RIN2: variants seen among roughly 807,000 people sequenced by gnomAD.
RIN2 encodes Ras and Rab interactor 2.
Under a neutral mutation model 78.0 loss-of-function variants are expected in RIN2, and 36 were observed. The observed-to-expected ratio is 0.46, with a 90% CI of 0.35 to 0.61. The LOEUF (loss-of-function observed/expected upper bound fraction) is 0.61, where lower values mean the gene tolerates loss of function less well. Ranked by LOEUF, RIN2 falls within the 20% of genes least tolerant of loss-of-function variation. RIN2 has a pLI of 0.00. For missense variants in RIN2, 1,087 were observed against 1,159.7 expected, an observed-to-expected ratio of 0.94 and a Z score of 0.91; for synonymous variants, 466 against 466.8, an observed-to-expected ratio of 1.00 and a Z score of 0.02.
chr20:19,808,439 G>A (rs1463294928), intron 2 of RIN2, among the ~76,000 whole-genome samples: 2 of 152,372 alleles, frequency 1.3e-5, no homozygotes, highest in African/African-American at 2.4e-5. Flanking sequence ...TGTAGGGCCT[G>A]TTGGGGCCTG....
intron 2 of RIN2, among the ~76,000 whole-genome samples, chr20:19,860,272 G>A (rs1421956264): frequency 2.1e-5 from 3 of 146,192 alleles, no homozygotes; most frequent in South Asian, 2.2e-4. Flanking sequence ...ATCCTGTATC[G>A]GGTCTGCCCC....
chr20:19,789,349 T>C (rs1248132090), intron 1 of RIN2, among the ~76,000 whole-genome samples: 1 of 152,224 alleles, frequency 6.6e-6, no homozygotes, highest in Admixed American at 6.5e-5. Flanking sequence ...TTCGTGAACT[T>C]GGGATATGCG....
At position 19,874,086 on chromosome 20, in the gene RIN2, T is replaced by TG. The variant is rs55827998; in HGVS notation, c.-36-15480_-36-15479insG. ...GGTGTGTGTGTGTGTGTGTGTGTGTTTGTGTGTGTTGGTTATTTCACTGCT... is the reference window on the plus strand; with the variant it reads ...GGTGTGTGTGTGTGTGTGTGTGTGTTGTGTGTGTGTTGGTTATTTCACTGCT... On this transcript the variant is annotated intron_variant, in intron 2 of 12. Coordinates refer to ENST00000255006, the MANE Select transcript of RIN2 (RefSeq NM_018993.4). 8.9e-3 allele frequency among the ~76,000 whole-genome samples: 1,297 copies of TG among 145,724 alleles called. 15 individuals are homozygous for TG. The highest frequency in any genetic ancestry group is 0.029 in the African/African-American group (1,125 of 39,222).
In RIN2 at chr20:19,806,211, T is replaced by C. The variant is rs181807472; in HGVS notation, c.-37+6464T>C. ...TGCATGTGTCTTTATGGTAGAATGATTTCTAATCCTTTGGGTATATACCCA... is the reference window on the plus strand; with the variant it reads ...TGCATGTGTCTTTATGGTAGAATGACTTCTAATCCTTTGGGTATATACCCA... On this transcript the variant is annotated intron_variant, in intron 2 of 12. Transcript: ENST00000255006. 1.5e-4 allele frequency among the ~76,000 whole-genome samples: 23 copies of C among 152,330 alleles called. 2 individuals are homozygous for C. In the East Asian group the frequency reaches 2.7e-3, roughly 18 times the overall value.
At chr20:19,875,966 G>A (rs888443608) in intron 2 of RIN2, among the ~76,000 whole-genome samples, 1 of 152,238 alleles carries the variant, frequency 6.6e-6, no homozygotes, top group Non-Finnish European at 1.5e-5. Context: ...GAGGAGGAAA[G>A]TAAGGGCACA....
intron 1 of RIN2, among the ~76,000 whole-genome samples, chr20:19,764,916 GCGTTTTTTTTTTT>G (rs2033803803): frequency 2.8e-5 from 1 of 35,362 alleles, no homozygotes; most frequent in Non-Finnish European, 6.8e-5. Context: ...TTCACTTTCT[GCGTTTTTTTTTTT>G]TTTTTTTTTT....
chr20:19,828,951 T>C (rs1049826376), intron 2 of RIN2, among the ~76,000 whole-genome samples: 1 of 152,144 alleles, frequency 6.6e-6, no homozygotes, highest in Non-Finnish European at 1.5e-5. Context: ...CCCTGGTTGA[T>C]AGGGTGGGTG....
At chr20:19,915,240 G>A (rs2039636249) in intron 3 of RIN2, among the ~76,000 whole-genome samples, 1 of 152,202 alleles carries the variant, frequency 6.6e-6, no homozygotes, top group Non-Finnish European at 1.5e-5. Flanking sequence ...AGGGGAGGCA[G>A]CCAATACATG....
At chr20:19,917,327 A>G (rs1302539582) in intron 3 of RIN2, among the ~76,000 whole-genome samples, 1 of 152,232 alleles carries the variant, frequency 6.6e-6, no homozygotes, top group East Asian at 1.9e-4. Context: ...ACCTGTCCAG[A>G]GTACTAAATG....
At chr20:19,911,743 A>AC (rs11087296) in intron 3 of RIN2, among the ~76,000 whole-genome samples, 105,311 of 151,340 alleles carry the variant, frequency 0.7, 37,783 homozygotes, top group East Asian at 0.96. Context: ...CATTCCGTGA[A>AC]TTTTTGCTTC....
chr20:19,898,473 G>T (rs917648531), intron 3 of RIN2, among the ~76,000 whole-genome samples: 1 of 152,188 alleles, frequency 6.6e-6, no homozygotes, highest in Admixed American at 6.5e-5. Context: ...ACCTGCCAAA[G>T]CTTTATCTCA....
At chr20:19,792,356 AC>A (rs2034914560) in intron 1 of RIN2, among the ~76,000 whole-genome samples, 1 of 152,338 alleles carries the variant, frequency 6.6e-6, no homozygotes, top group East Asian at 1.9e-4. Flanking sequence ...CCAAATATTG[AC>A]TGAGGCCTCA....
At position 19,975,082 on chromosome 20, in the gene RIN2, C is replaced by G; in HGVS notation, c.1057C>G (p.Pro353Ala). Residue 353 changes from proline (P) to alanine (A), a missense_variant, in exon 9 of 13, where the codon CCA becomes GCA. Physicochemically the swap from Pro to Ala is conservative, Grantham distance 27. Coordinates refer to ENST00000255006, the MANE Select transcript of RIN2 (RefSeq NM_018993.4). This position sits in a 1 kb window ranked among gnomAD's most constrained non-coding sequence, Gnocchi z 4.9. ...HGNVALPGTK[P>A]TPIPPPRLKK... The stretch of plus-strand genomic sequence containing the variant: ...GAACGTAGCTCTGCCTGGAACGAAA[C>G]CAACTCCCATCCCTCCACCCCGGCT... 6.2e-7 allele frequency: 1 copy of G among 1,613,490 alleles called. No individual in the cohort carries two copies. Among genetic ancestry groups the G allele is most frequent in the Non-Finnish European group, 8.5e-7 (1 of 1,179,890 alleles).
chr20:19,893,461 C>T (rs993994696), intron 3 of RIN2, among the ~76,000 whole-genome samples: 2 of 152,144 alleles, frequency 1.3e-5, no homozygotes, highest in African/African-American at 4.8e-5. Context: ...CATCATTATC[C>T]TCCCCATCCA....
chr20:19,796,907 G>A (rs995960170), intron 1 of RIN2, among the ~76,000 whole-genome samples: 2 of 152,158 alleles, frequency 1.3e-5, no homozygotes, highest in Non-Finnish European at 1.5e-5. Flanking sequence ...GATGGTCAGG[G>A]GAGACTTCAC....
At chr20:19,783,062 G>T (rs899236078) in intron 1 of RIN2, among the ~76,000 whole-genome samples, 3 of 152,182 alleles carry the variant, frequency 2.0e-5, no homozygotes, top group African/African-American at 7.2e-5. Context: ...TCAGTGGTGG[G>T]TTCTCTTGAG....
intron 11 of RIN2, among the ~76,000 whole-genome samples, chr20:19,993,309 G>A (rs2042854169): frequency 1.3e-5 from 2 of 151,340 alleles, no homozygotes; most frequent in African/African-American, 4.9e-5. Flanking sequence ...GTCTGGGCTT[G>A]AGTAGAAAGG....
chr20:19,824,888 G>A (rs1443607126), intron 2 of RIN2, among the ~76,000 whole-genome samples: 1 of 152,154 alleles, frequency 6.6e-6, no homozygotes, highest in Non-Finnish European at 1.5e-5. Context: ...GATCCACCCA[G>A]ATCTCCTCCT....
At chr20:19,923,742 TG>T (rs2040028865) in intron 3 of RIN2, among the ~76,000 whole-genome samples, 1 of 152,164 alleles carries the variant, frequency 6.6e-6, no homozygotes, top group Non-Finnish European at 1.5e-5. Flanking sequence ...ACTCAGAGGA[TG>T]GGGGTGGATG....
Sources: gnomAD v4.1 joint callset for allele counts (sites outside exome capture counted in the v4.1 genomes callset) on GRCh38, gnomAD v4.1.1 for gene constraint, Gnocchi (gnomAD v3.1) non-coding constraint, MANE v1.5 for transcripts, NCBI Gene and HGNC (gene_info 2026-07-23, HGNC 2026-07-21) for gene names.